Variants in WDR49 observed in about 807,000 individuals in gnomAD.
WDR49 encodes WD repeat domain 49.
In WDR49, 107 loss-of-function variants were observed where a neutral mutation model predicts 119.5. The ratio of observed to expected loss-of-function variants is 0.90; its 90% confidence interval spans 0.77 to 1.05. The LOEUF is 1.05. Ranked by LOEUF, WDR49 falls within the 50% of genes least tolerant of loss-of-function variation. The pLI is 0.00. For missense variants in WDR49, 1,240 were observed against 1,220.5 expected (o/e 1.02, Z -0.24); for synonymous variants, 425 against 418.8 (o/e 1.01, Z -0.18).
intron 8 of WDR49, among the ~76,000 whole-genome samples, chr3:167,560,673 AT>A (rs1713212199): frequency 6.6e-6 from 1 of 152,208 alleles, no homozygotes; most frequent in African/African-American, 2.4e-5. Context: ...GAAAATGTTA[AT>A]TTCAACAAAT....
intron 2 of WDR49, among the ~76,000 whole-genome samples, chr3:167,641,595 T>C (rs1717884176): frequency 6.6e-6 from 1 of 151,998 alleles, no homozygotes; most frequent in African/African-American, 2.4e-5. Flanking sequence ...TTATATCCTA[T>C]TTCTCTTCTG....
At chr3:167,632,917 G>A (rs1717437762) in intron 2 of WDR49, among the ~76,000 whole-genome samples, 2 of 151,978 alleles carry the variant, frequency 1.3e-5, no homozygotes, top group South Asian at 4.1e-4. Flanking sequence ...GCTGTTATGA[G>A]GATCTATTCA....
chr3:167,621,350 T>C lies in WDR49; in HGVS notation c.783+117A>G. 3 of 1,062,928 alleles carry C rather than the reference T, an allele frequency of 2.8e-6. No individual in the cohort carries two copies. In the African/African-American group the frequency reaches 4.9e-5, roughly 17 times the overall value. 65.8% of individuals were successfully genotyped at this position (1,062,928 alleles called of 1,614,324 possible). A position where few individuals can be genotyped will look rare whatever the true frequency, so the allele number is the denominator to read the frequency against. On this transcript the variant is annotated intron_variant, in intron 4 of 18. Transcript: ENST00000682715. Reference sequence around the variant, plus strand: ...CCATCTCTTCCATGTCCAATGTGCATGTAATCCATAATGTAATTAAATTTG... The same window carrying C: ...CCATCTCTTCCATGTCCAATGTGCACGTAATCCATAATGTAATTAAATTTG...
intron 2 of WDR49, among the ~76,000 whole-genome samples, chr3:167,649,322 G>A (rs1401237110): frequency 6.6e-6 from 1 of 151,986 alleles, no homozygotes; most frequent in Non-Finnish European, 1.5e-5. Context: ...TAAAAAAAAG[G>A]TAAGAAAAGG....
chr3:167,560,078 C>T lies in WDR49; in HGVS notation c.1660G>A (p.Asp554Asn), dbSNP rs1413574313. The change falls in exon 9 of 19, where the codon GAT becomes AAT. Residue 554 changes from aspartate to asparagine, a missense_variant. Coordinates refer to ENST00000682715, the MANE Select transcript of WDR49 (RefSeq NM_001366157.1). Reference protein sequence around the residue: ...NETRLLTGSTDGTVKIWDFNG... With the variant: ...NETRLLTGSTNGTVKIWDFNG... ...TGTGTTCGCACCTTTACAGTCCCATCTGTGCTGCCAGTCAAAAGCCGAGTC... is the reference window on the plus strand; with the variant it reads ...TGTGTTCGCACCTTTACAGTCCCATTTGTGCTGCCAGTCAAAAGCCGAGTC... The T allele has an allele frequency of 6.8e-6, 11 of 1,614,004 alleles. No homozygotes were observed. Among genetic ancestry groups the T allele is most frequent in the African/African-American group, 1.3e-5 (1 of 74,914 alleles).
chr3:167,480,797 A>G (rs905201538), intron 18 of WDR49, among the ~76,000 whole-genome samples: 1 of 152,214 alleles, frequency 6.6e-6, no homozygotes, highest in East Asian at 1.9e-4. Context: ...CTGGGAAAAA[A>G]ATAGTCACTG....
intron 11 of WDR49, among the ~76,000 whole-genome samples, chr3:167,533,650 A>G (rs1394705603): frequency 1.3e-5 from 2 of 152,054 alleles, no homozygotes; most frequent in African/African-American, 2.4e-5. Context: ...AGTTTTTCCT[A>G]CAGAAAGTCC....
chr3:167,620,681 A>G, intron 4 of WDR49, 78 bp from the exon 5 acceptor site: 2 of 1,342,954 alleles, frequency 1.5e-6, no homozygotes, highest in South Asian at 3.1e-5. Flanking sequence ...TTTTAGTTTA[A>G]TAAGGAATAG....
Position 167,531,205 on chromosome 3 carries a change from C to T in WDR49, c.2128G>A (p.Gly710Arg). 6.2e-7 allele frequency: 1 copy of T among 1,611,780 alleles called. No individual in the cohort carries two copies. Among genetic ancestry groups the T allele is most frequent in the Non-Finnish European group, 8.5e-7 (1 of 1,179,594 alleles). Reference sequence around the variant, plus strand: ...GTGTCAATCTCAAAGTTGCGGACTCCCGTGGTAGAATGGTCTGCCATGGGG... The same window carrying T: ...GTGTCAATCTCAAAGTTGCGGACTCTCGTGGTAGAATGGTCTGCCATGGGG... ...SHPMADHSTT[G>R]VRNFEIDTEG... Residue 710 changes from glycine to arginine, a missense_variant, in exon 13 of 19, where the codon GGA becomes AGA. Transcript: ENST00000682715.
At chr3:167,508,809 C>T (rs528755860) in intron 16 of WDR49, among the ~76,000 whole-genome samples, 6 of 152,148 alleles carry the variant, frequency 3.9e-5, no homozygotes, top group South Asian at 4.2e-4. Flanking sequence ...ACTGCCAATT[C>T]GTCAAGTATT....
intron 18 of WDR49, among the ~76,000 whole-genome samples, chr3:167,490,892 T>C (rs1472621831): frequency 1.3e-5 from 2 of 152,086 alleles, no homozygotes; most frequent in African/African-American, 4.8e-5. Flanking sequence ...TCTGCTACCT[T>C]GCACAAATTG....
rs141373796 is a variant in WDR49 at position 167,631,680 on chromosome 3, G to A, written c.166-4388C>T. On this transcript the variant is annotated intron_variant, in intron 2 of 18. Transcript: ENST00000682715. ...AGAGTCAGGCCTGGAAGAAGCACTAGAGTCAGCATATTGTGGAGCAGGTCA... is the reference window on the plus strand; with the variant it reads ...AGAGTCAGGCCTGGAAGAAGCACTAAAGTCAGCATATTGTGGAGCAGGTCA... 2.3e-3 allele frequency among the ~76,000 whole-genome samples: 344 copies of A among 152,232 alleles called. 1 individual carries two copies. Among genetic ancestry groups the A allele is most frequent in the African/African-American group, 7.7e-3 (321 of 41,562 alleles).
intron 9 of WDR49, 88 bp from the exon 10 acceptor site, chr3:167,554,886 T>A: frequency 1.0e-6 from 1 of 963,782 alleles, no homozygotes; most frequent in East Asian, 2.6e-5. Context: ...GGATATGTAA[T>A]CATTAAAGAA....
In WDR49 at chr3:167,500,156, T is replaced by A; in HGVS notation, c.3028A>T (p.Lys1010Ter). The A allele has an allele frequency of 6.4e-7, 1 of 1,565,250 alleles. No individual in the cohort carries two copies. ...PQILEAPSLF[K>*]TLKAVFDEKN... ...TGTATGATGGCTGAGAACTTACTTT[T>A]AAAAAGTGACGGGGCCTCCAGAATT... The change falls in exon 18 of 19, where the codon AAA becomes TAA. Residue 1010 changes from lysine to a stop codon, truncating the protein, a stop_gained. Coordinates refer to ENST00000682715, the MANE Select transcript of WDR49 (RefSeq NM_001366157.1). LOFTEE classifies it high-confidence loss of function.
intron 5 of WDR49, among the ~76,000 whole-genome samples, chr3:167,618,912 T>A (rs1716726707): frequency 6.6e-6 from 1 of 152,188 alleles, no homozygotes; most frequent in Non-Finnish European, 1.5e-5. Flanking sequence ...TTCATTGGTA[T>A]GGTTGATTTT....
At chr3:167,500,413 G>A (rs1400338798) in intron 17 of WDR49, 114 bp from the exon 18 acceptor site, 1 of 1,275,366 alleles carries the variant, frequency 7.8e-7, no homozygotes, top group Non-Finnish European at 1.1e-6. Flanking sequence ...TAACCTTCCT[G>A]TTACTCAGCT....
chr3:167,619,214 T>C (rs139172236), intron 5 of WDR49, among the ~76,000 whole-genome samples: 1 of 152,258 alleles, frequency 6.6e-6, no homozygotes, highest in African/African-American at 2.4e-5. Flanking sequence ...GTCTTTGGCA[T>C]ATGTATCTAA....
chr3:167,511,285 TC>T (rs1273728125), intron 16 of WDR49, among the ~76,000 whole-genome samples: 1 of 152,228 alleles, frequency 6.6e-6, no homozygotes, highest in Non-Finnish European at 1.5e-5. Context: ...ATTATATCAA[TC>T]CAGTCTCATC....
chr3:167,587,477 G>T (rs1289254682), intron 7 of WDR49, among the ~76,000 whole-genome samples: 1 of 151,962 alleles, frequency 6.6e-6, no homozygotes, highest in East Asian at 1.9e-4. Context: ...AAAAGACACT[G>T]ACCTTTTTTT....
Sources: gnomAD v4.1 joint callset for allele counts (sites outside exome capture counted in the v4.1 genomes callset) on GRCh38, gnomAD v4.1.1 for gene constraint, MANE v1.5 for transcripts, NCBI Gene and HGNC (gene_info 2026-07-23, HGNC 2026-07-21) for gene names.